The following FAM131B variants were observed in gnomAD, a reference collection of about 807,000 sequenced individuals.
The protein encoded by FAM131B is family with sequence similarity 131 member B, also known as protein FAM131B.
A neutral mutation model predicts 42.0 loss-of-function variants in FAM131B; 19 were observed. The observed-to-expected ratio is 0.45, with a 90% CI of 0.32 to 0.66. The LOEUF (loss-of-function observed/expected upper bound fraction) is 0.66, where lower values mean the gene tolerates loss of function less well. FAM131B is among the 30% of genes least tolerant of loss of function. FAM131B has a pLI of 0.05. For synonymous variants in FAM131B, 183 were observed against 177.6 expected, an observed-to-expected ratio of 1.03 and a Z score of -0.24; for missense variants, 370 against 468.4, an observed-to-expected ratio of 0.79 and a Z score of 1.94.
the FAM131B span, among the ~76,000 whole-genome samples, chr7:143,371,282 G>C: frequency 6.6e-6 from 1 of 152,032 alleles, no homozygotes; most frequent in Non-Finnish European, 1.5e-5. Flanking sequence ...ACCCAGGATG[G>C]AATGATATAT....
upstream of FAM131B, among the ~76,000 whole-genome samples, chr7:143,365,757 C>A (rs531799560): frequency 1.6e-3 from 242 of 152,208 alleles, 2 homozygotes; most frequent in Non-Finnish European, 2.7e-3. Context: ...TGTGCCCCAA[C>A]CCTCGGCTAA....
At chr7:143,371,085 T>TATTC in the FAM131B span, among the ~76,000 whole-genome samples, 2 of 152,166 alleles carry the variant, frequency 1.3e-5, no homozygotes, top group Admixed American at 6.6e-5. Context: ...TTTTTTCCAT[T>TATTC]ATTCATTCAT....
chr7:143,362,129 G>A lies in FAM131B; in HGVS notation c.28+447C>T. On this transcript the variant is annotated intron_variant, in intron 1 of 6. Coordinates refer to ENST00000443739, the MANE Select transcript of FAM131B (RefSeq NM_001031690.3). The surrounding 1 kb of genome is among the most constrained non-coding windows in gnomAD (Gnocchi z 7.7). Reference sequence around the variant, plus strand: ...GGAGGCGGCGGCGGGGGGTGGCGTGGGGGGCGTGCGAAAGAAACTCGGGGC... The same window carrying A: ...GGAGGCGGCGGCGGGGGGTGGCGTGAGGGGCGTGCGAAAGAAACTCGGGGC... 1.4e-6 allele frequency: 1 copy of A among 723,382 alleles called. No homozygotes were observed. The highest frequency in any genetic ancestry group is 1.7e-6 in the Non-Finnish European group (1 of 589,408). 44.8% of individuals were successfully genotyped at this position (723,382 alleles called of 1,614,324 possible). A position where few individuals can be genotyped will look rare whatever the true frequency, so the allele number is the denominator to read the frequency against.
At chr7:143,373,624 G>A in the FAM131B span, among the ~76,000 whole-genome samples, 2 of 152,264 alleles carry the variant, frequency 1.3e-5, no homozygotes, top group African/African-American at 4.8e-5. Context: ...GTTAGAATAA[G>A]AAGGAGAGAG....
Position 143,356,274 on chromosome 7 carries a change from G to T in FAM131B, c.*276C>A. ...ACACACTGGAGGCTTTGTCGGCACA[G>T]ACCCAGAAGCCCACAGCCCAGGTCC... On this transcript the variant is annotated 3_prime_UTR_variant, in exon 7 of 7. Coordinates refer to ENST00000443739, the MANE Select transcript of FAM131B (RefSeq NM_001031690.3). The surrounding 1 kb of genome is among the most constrained non-coding windows in gnomAD (Gnocchi z 4.4). 2.1e-6 allele frequency: 1 copy of T among 469,636 alleles called. No homozygotes were observed. Among genetic ancestry groups the T allele is most frequent in the Non-Finnish European group, 3.8e-6 (1 of 261,548 alleles). 29.1% of individuals were successfully genotyped at this position (469,636 alleles called of 1,614,324 possible). A position where few individuals can be genotyped will look rare whatever the true frequency, so the allele number is the denominator to read the frequency against.
rs202179522 is a variant in FAM131B at position 143,358,807 on chromosome 7, A to C, written c.466+20T>G. ...GGCCATCCTGCAAATGTGTCTCTTGAGGCTTTAGGGTACCTGTACCTGCTA... is the reference window on the plus strand; with the variant it reads ...GGCCATCCTGCAAATGTGTCTCTTGCGGCTTTAGGGTACCTGTACCTGCTA... On this transcript the variant is annotated intron_variant, in intron 5 of 6. Transcript: ENST00000443739. This position sits in a 1 kb window ranked among gnomAD's most constrained non-coding sequence, Gnocchi z 4.7. 1.4e-4 allele frequency: 233 copies of C among 1,610,440 alleles called. 1 individual carries two copies. In the African/African-American group the frequency reaches 2.8e-3, roughly 19 times the overall value.
At chr7:143,376,676 G>T in the FAM131B span, among the ~76,000 whole-genome samples, 2,060 of 152,270 alleles carry the variant, frequency 0.014, 52 homozygotes, top group African/African-American at 0.047. Context: ...ATCATCCACC[G>T]TGTCTGCAGT....
At position 143,356,850 on chromosome 7, in the gene FAM131B, A is replaced by G. The variant is rs756448690; in HGVS notation, c.783T>C (p.His261=). 6 of 1,614,118 alleles carry G rather than the reference A, an allele frequency of 3.7e-6. No individual in the cohort carries two copies. The South Asian group carries it at 5.5e-5, about 15-fold the overall frequency. The part of the protein sequence containing the change: ...PAFDDSQPSL[H]EMGPSQPASG... Reference sequence around the variant, plus strand: ...AAGCTGGTTGGGAAGGTCCCATTTCATGCAAGCTGGGTTGTGAGTCATCAA... The same window carrying G: ...AAGCTGGTTGGGAAGGTCCCATTTCGTGCAAGCTGGGTTGTGAGTCATCAA... Residue 261 remains histidine, a synonymous_variant, in exon 7 of 7, where the codon CAT becomes CAC. Transcript: ENST00000443739. This position sits in a 1 kb window ranked among gnomAD's most constrained non-coding sequence, Gnocchi z 4.4.
At chr7:143,363,477 A>G (rs1411532896), upstream of FAM131B, among the ~76,000 whole-genome samples, 1 of 152,154 alleles carries the variant, frequency 6.6e-6, no homozygotes, top group Non-Finnish European at 1.5e-5. Context: ...CTGAGACGTG[A>G]TCTTCTCGGA....
the FAM131B span, among the ~76,000 whole-genome samples, chr7:143,371,762 T>C: frequency 2.0e-5 from 3 of 151,702 alleles, no homozygotes; most frequent in African/African-American, 7.3e-5. Context: ...ATGGAGATAA[T>C]GGGGTGATCC....
chr7:143,363,024 G>A (rs530911300), upstream of FAM131B, among the ~76,000 whole-genome samples: 2 of 152,152 alleles, frequency 1.3e-5, no homozygotes, highest in Non-Finnish European at 2.9e-5. Flanking sequence ...ACGAACCCAG[G>A]GCCTACCCCG....
the FAM131B span, chr7:143,381,715 G>A: frequency 6.2e-7 from 1 of 1,602,154 alleles, no homozygotes; most frequent in Non-Finnish European, 8.5e-7. Flanking sequence ...AGCCTCCCCC[G>A]GCACCCGGGG....
upstream of FAM131B, chr7:143,364,209 T>C (rs2116496488): frequency 6.6e-6 from 1 of 151,670 alleles, no homozygotes; most frequent in East Asian, 1.9e-4. Flanking sequence ...TTATTGGTTA[T>C]ATAAAAGAAG....
chr7:143,381,902 C>A, the FAM131B span: 1 of 999,448 alleles, frequency 1.0e-6, no homozygotes, highest in Non-Finnish European at 1.4e-6. Context: ...CACCCTGTCC[C>A]GAGCAGATGT....
chr7:143,370,152 G>A, the FAM131B span, among the ~76,000 whole-genome samples: 144 of 152,336 alleles, frequency 9.5e-4, no homozygotes, highest in Admixed American at 2.0e-3. Flanking sequence ...GCAGGGCCAA[G>A]GAATGCAAGC....
chr7:143,362,112 C>T lies in FAM131B; in HGVS notation c.28+464G>A, dbSNP rs998321423. The T allele has an allele frequency of 1.8e-4, 154 of 873,628 alleles. 1 individual carries two copies. The African/African-American group carries it at 2.7e-3, about 15-fold the overall frequency. 54.1% of individuals were successfully genotyped at this position (873,628 alleles called of 1,614,324 possible). A position where few individuals can be genotyped will look rare whatever the true frequency, so the allele number is the denominator to read the frequency against. Reference sequence around the variant, plus strand: ...AAGCACCCGAGCCAGATGGAGGCGGCGGCGGGGGGTGGCGTGGGGGGCGTG... The same window carrying T: ...AAGCACCCGAGCCAGATGGAGGCGGTGGCGGGGGGTGGCGTGGGGGGCGTG... On this transcript the variant is annotated intron_variant, in intron 1 of 6. Transcript: ENST00000443739. This position sits in a 1 kb window ranked among gnomAD's most constrained non-coding sequence, Gnocchi z 7.7.
chr7:143,378,765 C>T, the FAM131B span, among the ~76,000 whole-genome samples: 1 of 152,140 alleles, frequency 6.6e-6, no homozygotes, highest in African/African-American at 2.4e-5. Context: ...TTAGTAGAGA[C>T]TGGGTTTCAC....
At chr7:143,380,085 C>T in the FAM131B span, 6 of 985,246 alleles carry the variant, frequency 6.1e-6, no homozygotes, top group South Asian at 4.7e-5. This position sits in a 1 kb window ranked among gnomAD's most constrained non-coding sequence, Gnocchi z 5.0. Context: ...GTGAACAAGA[C>T]GAAGGCCTCA....
At chr7:143,364,268 A>C (rs896966430), upstream of FAM131B, 3 of 149,542 alleles carry the variant, frequency 2.0e-5, no homozygotes, top group Non-Finnish European at 3.0e-5. Context: ...GTCGCAAAGG[A>C]AAGAAGATGG....
Sources: allele counts gnomAD v4.1 joint callset (sites outside exome capture counted in the v4.1 genomes callset), GRCh38; gene constraint gnomAD v4.1.1; non-coding constraint Gnocchi (gnomAD v3.1); transcripts MANE v1.5; gene names NCBI Gene and HGNC (gene_info 2026-07-23, HGNC 2026-07-21).